NEBL: variants seen among roughly 807,000 people sequenced by gnomAD.
NEBL encodes nebulette, also known as LIM and SH3 protein 2.
A neutral mutation model predicts 140.2 loss-of-function variants in NEBL; 122 were observed. The ratio of observed to expected loss-of-function variants is 0.87; its 90% confidence interval spans 0.75 to 1.01. The LOEUF is 1.01. Among genes scored for constraint, NEBL ranks in the 50% least tolerant of loss-of-function variants. The probability of loss-of-function intolerance (pLI) is 0.00; values close to 1 mark genes in which losing one functional copy is unlikely to be tolerated. For synonymous variants in NEBL, 436 were observed against 398.9 expected, an observed-to-expected ratio of 1.09 and a Z score of -1.11; for missense variants, 1,365 against 1,231.3, an observed-to-expected ratio of 1.11 and a Z score of -1.62.
chr10:20,956,981 A>G (rs1429474606), intron 4 of NEBL, among the ~76,000 whole-genome samples: 1 of 152,110 alleles, frequency 6.6e-6, no homozygotes, highest in Non-Finnish European at 1.5e-5. Flanking sequence ...TCCACCATAC[A>G]ACTCAATTTC....
At chr10:21,249,720 G>C (rs1049810816) in intron 2 of NEBL, among the ~76,000 whole-genome samples, 1 of 150,732 alleles carries the variant, frequency 6.6e-6, no homozygotes, top group Non-Finnish European at 1.5e-5. Flanking sequence ...TCTTTAAGTG[G>C]GGAAAATAAA....
chr10:21,078,970 T>A (rs1564503488), intron 2 of NEBL, among the ~76,000 whole-genome samples: 1 of 152,234 alleles, frequency 6.6e-6, no homozygotes, highest in Non-Finnish European at 1.5e-5. Flanking sequence ...AAGAACTTCA[T>A]TAAGCCCTGA....
intron 4 of NEBL, among the ~76,000 whole-genome samples, chr10:20,909,733 G>C (rs545700238): frequency 9.7e-4 from 147 of 152,172 alleles, no homozygotes; most frequent in African/African-American, 3.3e-3. Flanking sequence ...AATTGGGATA[G>C]AGTATTAGGA....
In NEBL at chr10:20,869,812, G is replaced by C; in HGVS notation, c.510C>G (p.Thr170=). 6.2e-7 allele frequency: 1 copy of C among 1,613,018 alleles called. No individual in the cohort carries two copies. Among genetic ancestry groups the C allele is most frequent in the East Asian group, 2.2e-5 (1 of 44,844 alleles). The part of the protein sequence containing the change: ...NISYRKDVQD[T]HTYSAELDRP... ...GGTCAAGTTCTGCACTGTACGTGTG[G>C]GTGTCCTGCACGTCTTTCCTATAAG... Residue 170 remains threonine, a synonymous_variant, in exon 6 of 28, where the codon ACC becomes ACG. Transcript: ENST00000377122.
Position 20,831,254 on chromosome 10 carries a change from A to T in NEBL, c.1613T>A (p.Val538Glu), listed in dbSNP as rs534382445. ...ENEIKGKGMQ[V>E]SMDIPDILRA... The stretch of plus-strand genomic sequence containing the variant: ...AAGGATATCTGGGATATCCATGCTC[A>T]CTTGCATTCCTTTCCCTTTAATTTC... Residue 538 changes from valine (V) to glutamate (E), a missense_variant, in exon 16 of 28, where the codon GTG becomes GAG. Physicochemically the swap from Val to Glu is moderately radical, Grantham distance 121. Transcript: ENST00000377122. 9 of 1,613,662 alleles carry T rather than the reference A, an allele frequency of 5.6e-6. No individual in the cohort carries two copies. The Admixed American group carries it at 1.5e-4, about 27-fold the overall frequency.
intron 26 of NEBL, among the ~76,000 whole-genome samples, chr10:20,794,622 T>A (rs1223727727): frequency 6.6e-6 from 1 of 152,176 alleles, no homozygotes; most frequent in African/African-American, 2.4e-5. Context: ...GCAACCTACA[T>A]AAAAGTATTT....
At chr10:20,867,422 A>G (rs188759380) in intron 7 of NEBL, among the ~76,000 whole-genome samples, 1 of 152,282 alleles carries the variant, frequency 6.6e-6, no homozygotes, top group East Asian at 1.9e-4. Flanking sequence ...TTGAGAAATG[A>G]GTATTTTCAA....
In NEBL at chr10:21,147,396, G is replaced by GTTT. The variant is rs575290796; in HGVS notation, c.164+24984_164+24986dup. 4.8e-4 allele frequency among the ~76,000 whole-genome samples: 63 copies of GTTT among 131,270 alleles called. 1 individual carries two copies. The highest frequency in any genetic ancestry group is 2.2e-3 in the East Asian group (10 of 4,536). The allele number at this position is 131,270 out of a possible 152,430, so 86.1% of individuals were successfully genotyped here. ...CTTCTCTGACCCTGTTTCTCCTCCG[G>GTTT]TTTTTTTTTTTTTTTTTTTAGACAA... On this transcript the variant is annotated intron_variant, in intron 2 of 6. Coordinates refer to the NEBL transcript ENST00000417816.
In NEBL at chr10:21,205,945, G is replaced by A. The variant is rs182546007; in HGVS notation, n.349-33468C>T. On this transcript the variant is annotated intron_variant and non_coding_transcript_variant, in intron 3 of 8. Transcript: ENST00000675702. ...ATATAATTTCACAATGCATCAGTAG[G>A]ACTGCTATGATTAGTATCAGCAGGC... Among the ~76,000 whole-genome samples, 170 of 152,262 alleles carry A rather than the reference G, an allele frequency of 1.1e-3. 1 individual carries two copies. Among genetic ancestry groups the A allele is most frequent in the Admixed American group, 4.1e-3 (63 of 15,284 alleles).
intron 4 of NEBL, among the ~76,000 whole-genome samples, chr10:20,934,558 G>A (rs564236997): frequency 1.3e-5 from 2 of 152,236 alleles, no homozygotes; most frequent in South Asian, 2.1e-4. Flanking sequence ...TATCCACGAT[G>A]GGCCCGCTCT....
intron 2 of NEBL, among the ~76,000 whole-genome samples, chr10:21,046,706 T>G (rs1029676471): frequency 1.2e-4 from 18 of 151,704 alleles, no homozygotes; most frequent in African/African-American, 4.4e-4. Context: ...GTTCACGCCA[T>G]TCTCCTGCCT....
intron 3 of NEBL, among the ~76,000 whole-genome samples, chr10:21,003,721 C>T (rs1838002149): frequency 6.6e-6 from 1 of 152,192 alleles, no homozygotes; most frequent in South Asian, 2.1e-4. Flanking sequence ...TAGGGTTGTT[C>T]TCTGCACAGG....
chr10:20,946,531 A>G (rs1222714544), intron 4 of NEBL, among the ~76,000 whole-genome samples: 1 of 152,022 alleles, frequency 6.6e-6, no homozygotes, highest in Non-Finnish European at 1.5e-5. Flanking sequence ...GTGTGATCTC[A>G]GCTCACTGCA....
At chr10:20,952,414 G>T (rs1225912020) in intron 4 of NEBL, among the ~76,000 whole-genome samples, 2 of 147,808 alleles carry the variant, frequency 1.4e-5, no homozygotes, top group Admixed American at 6.7e-5. Context: ...TCCAGCCTGG[G>T]CAACAGCGTG....
intron 4 of NEBL, among the ~76,000 whole-genome samples, chr10:20,882,951 T>C (rs1846155308): frequency 6.6e-6 from 1 of 152,186 alleles, no homozygotes; most frequent in Non-Finnish European, 1.5e-5. Flanking sequence ...GAAAAGAGCC[T>C]ATTTCATGAG....
In NEBL at chr10:21,173,719, C is replaced by A; in HGVS notation, c.69+46G>T. 1 of 1,611,108 alleles carries A rather than the reference C, an allele frequency of 6.2e-7. No homozygotes were observed. Among genetic ancestry groups the A allele is most frequent in the Non-Finnish European group, 8.5e-7 (1 of 1,179,728 alleles). On this transcript the variant is annotated intron_variant, in intron 1 of 6. Coordinates refer to the NEBL transcript ENST00000417816. This position sits in a 1 kb window ranked among gnomAD's most constrained non-coding sequence, Gnocchi z 5.7. ...CCAAAACTTCTCGAAGCAGGTGCAG[C>A]CCCTCGCCCGGCAGGTCCAGGCTGG...
At chr10:21,217,697 G>A (rs1282104428) in intron 3 of NEBL, among the ~76,000 whole-genome samples, 2 of 152,138 alleles carry the variant, frequency 1.3e-5, no homozygotes, top group Admixed American at 1.3e-4. Context: ...TTACTCTATA[G>A]TATTACTTGA....
chr10:21,265,516 G>A (rs1302628946), intron 1 of NEBL, among the ~76,000 whole-genome samples: 1 of 152,174 alleles, frequency 6.6e-6, no homozygotes, highest in Non-Finnish European at 1.5e-5. Context: ...CTGTGTGACT[G>A]TATTGGTTGA....
chr10:21,252,902 C>A (rs1466604980), intron 1 of NEBL, among the ~76,000 whole-genome samples: 3 of 152,094 alleles, frequency 2.0e-5, no homozygotes, highest in Non-Finnish European at 2.9e-5. Context: ...CTGTGGTGAG[C>A]TAAGATTACA....
Sources: gnomAD v4.1 joint callset for allele counts (sites outside exome capture counted in the v4.1 genomes callset) on GRCh38, gnomAD v4.1.1 for gene constraint, Gnocchi (gnomAD v3.1) non-coding constraint, MANE v1.5 for transcripts, NCBI Gene and HGNC (gene_info 2026-07-23, HGNC 2026-07-21) for gene names.